Variants in SLC6A9 observed in about 807,000 individuals in gnomAD.
SLC6A9 encodes solute carrier family 6 member 9.
SLC6A9 carries 31 observed loss-of-function variants against 70.9 expected under a neutral mutation model. That is an observed-to-expected ratio of 0.44 (90% CI 0.33 to 0.59). SLC6A9 has a LOEUF of 0.59. Ranked by LOEUF, SLC6A9 falls within the 20% of genes least tolerant of loss-of-function variation. The pLI, the probability that SLC6A9 is intolerant of heterozygous loss-of-function variation, is 0.04. For synonymous variants in SLC6A9, 310 were observed against 341.3 expected (o/e 0.91, Z 1.01); for missense variants, 631 against 845.2 (o/e 0.75, Z 3.14).
intron 1 of SLC6A9, among the ~76,000 whole-genome samples, chr1:44,027,191 G>T (rs2086998058): frequency 6.6e-6 from 1 of 152,082 alleles, no homozygotes; most frequent in African/African-American, 2.4e-5. Flanking sequence ...AGCAGTAGTG[G>T]GTCACAGAGG....
At chr1:44,019,776 A>G (rs2086846284) in intron 2 of SLC6A9, among the ~76,000 whole-genome samples, 1 of 152,256 alleles carries the variant, frequency 6.6e-6, no homozygotes, top group African/African-American at 2.4e-5. Flanking sequence ...ACTTTGCCTA[A>G]TAAGAGTGGG....
At chr1:44,017,805 C>T (rs1250517262) in intron 2 of SLC6A9, among the ~76,000 whole-genome samples, 3 of 152,240 alleles carry the variant, frequency 2.0e-5, no homozygotes, top group Non-Finnish European at 2.9e-5. Context: ...ACAAAGATGG[C>T]ATTAGCCAAG....
Position 44,009,958 on chromosome 1 carries a change from G to T in SLC6A9, c.319+7C>A. ...ATGTGTGAGCGAGTGCCCCGCCCAG[G>T]CCTCACCTTTGAACATGGGGCTGAT... is the stretch of plus-strand genomic sequence containing the variant. On this transcript the variant is annotated splice_region_variant and intron_variant, in intron 4 of 13. Coordinates refer to ENST00000372310, the MANE Select transcript of SLC6A9 (RefSeq NM_001024845.3). The T allele has an allele frequency of 6.2e-7, 1 of 1,613,792 alleles. No individual in the cohort carries two copies. The highest frequency in any genetic ancestry group is 1.1e-5 in the South Asian group (1 of 91,070).
intron 2 of SLC6A9, chr1:44,016,991 C>A: frequency 6.6e-7 from 1 of 1,524,378 alleles, no homozygotes; most frequent in South Asian, 1.3e-5. Context: ...CGCAGCCCAG[C>A]CTCTCAGCCT....
chr1:43,997,247 C>A lies in SLC6A9; in HGVS notation c.*298G>T. ...GGCAGGGTATAAGGGTATCGGAGGC[C>A]ACGTAAAGCCATCCAGGCTGCTGGG... On this transcript the variant is annotated 3_prime_UTR_variant, in exon 14 of 14. Coordinates refer to ENST00000372310, the MANE Select transcript of SLC6A9 (RefSeq NM_001024845.3). This position sits in a 1 kb window ranked among gnomAD's most constrained non-coding sequence, Gnocchi z 4.4. The A allele has an allele frequency of 2.4e-6, 1 of 424,162 alleles. No homozygotes were observed. Among genetic ancestry groups the A allele is most frequent in the Non-Finnish European group, 4.3e-6 (1 of 234,560 alleles). The allele number at this position is 424,162 out of a possible 1,614,324, so 26.3% of individuals were successfully genotyped here.
intron 2 of SLC6A9, chr1:44,014,816 T>C (rs1010991690): frequency 1.3e-5 from 2 of 152,064 alleles, no homozygotes; most frequent in Admixed American, 6.6e-5. Flanking sequence ...GCAAGCCACT[T>C]CCACTCTTGG....
chr1:44,007,939 G>A (rs1432853390), intron 5 of SLC6A9, among the ~76,000 whole-genome samples: 1 of 146,348 alleles, frequency 6.8e-6, no homozygotes, highest in Non-Finnish European at 1.5e-5. Context: ...CGCCCAGGCT[G>A]AAGTGCAGTG....
In SLC6A9 at chr1:44,001,558, G is replaced by A; in HGVS notation, c.1032C>T (p.Ile344=). Residue 344 remains isoleucine (I), a synonymous_variant, in exon 9 of 14, where the codon ATC becomes ATT. Transcript: ENST00000372310. ...CCAGGTGATTGGCCATGAAGCCGAGGATGGAGAAGATGACGAAGCCAGCAT... is the reference window on the plus strand; with the variant it reads ...CCAGGTGATTGGCCATGAAGCCGAGAATGGAGAAGATGACGAAGCCAGCAT... ...SVYAGFVIFS[I]LGFMANHLGV... is the part of the protein sequence containing the mutation. 2.5e-6 allele frequency: 4 copies of A among 1,614,268 alleles called. No homozygotes were observed. Among genetic ancestry groups the A allele is most frequent in the Non-Finnish European group, 3.4e-6 (4 of 1,180,042 alleles).
intron 5 of SLC6A9, among the ~76,000 whole-genome samples, chr1:44,006,086 C>G (rs1250089133): frequency 6.6e-6 from 1 of 152,204 alleles, no homozygotes; most frequent in Non-Finnish European, 1.5e-5. Context: ...TGGGGTTGCA[C>G]AAGGCTTTGT....
chr1:44,011,594 T>C (rs1424869440), intron 2 of SLC6A9: 4 of 1,612,836 alleles, frequency 2.5e-6, no homozygotes, highest in African/African-American at 1.3e-5. Context: ...GGGCCATGAG[T>C]TGGGGAAGGA....
chr1:44,028,861 C>T (rs762074116), intron 1 of SLC6A9, among the ~76,000 whole-genome samples: 2 of 151,882 alleles, frequency 1.3e-5, no homozygotes, highest in Admixed American at 6.6e-5. Context: ...TGAAGGGGCT[C>T]AGGTTAGGAA....
intron 1 of SLC6A9, among the ~76,000 whole-genome samples, chr1:44,025,646 A>G (rs886256329): frequency 6.6e-6 from 1 of 151,994 alleles, no homozygotes; most frequent in Non-Finnish European, 1.5e-5. Context: ...CTAAAATTAC[A>G]AAAATTAGCT....
intron 2 of SLC6A9, chr1:44,011,772 C>G: frequency 6.3e-7 from 1 of 1,591,292 alleles, no homozygotes; most frequent in Middle Eastern, 1.7e-4. Context: ...GGGGATTTGC[C>G]CCAGGGAAGA....
chr1:44,017,004 C>T lies in SLC6A9; in HGVS notation c.31-6122G>A, dbSNP rs546238613. On this transcript the variant is annotated intron_variant, in intron 2 of 13. Coordinates refer to ENST00000372310, the MANE Select transcript of SLC6A9 (RefSeq NM_001024845.3). Reference sequence around the variant, plus strand: ...TCCGCAGCCCAGCCTCTCAGCCTGCCTGGCACCAAGGAGGGGGCTCAACTT... The same window carrying T: ...TCCGCAGCCCAGCCTCTCAGCCTGCTTGGCACCAAGGAGGGGGCTCAACTT... 2.1e-5 allele frequency: 33 copies of T among 1,557,460 alleles called. No homozygotes were observed. In the South Asian group the frequency reaches 2.3e-4, roughly 11 times the overall value.
rs2085915586 is a variant in SLC6A9 at position 43,997,613 on chromosome 1, G to A, written c.1834C>T (p.Pro612Ser). 6.2e-7 allele frequency: 1 copy of A among 1,613,900 alleles called. No individual in the cohort carries two copies. Among genetic ancestry groups the A allele is most frequent in the Non-Finnish European group, 8.5e-7 (1 of 1,180,018 alleles). Reference sequence around the variant, plus strand: ...ACAATGGGGATCTGCGCCTTGTCCGGGTGCAGTGGCTGGACCTCGAAGCCG... The same window carrying A: ...ACAATGGGGATCTGCGCCTTGTCCGAGTGCAGTGGCTGGACCTCGAAGCCG... ...EDGFEVQPLH[P>S]DKAQIPIVGS... The change falls in exon 14 of 14, where the codon CCG becomes TCG. Residue 612 changes from proline (P) to serine (S), a missense_variant. Physicochemically the swap from Pro to Ser is moderately conservative, Grantham distance 74. Transcript: ENST00000372310. This position sits in a 1 kb window ranked among gnomAD's most constrained non-coding sequence, Gnocchi z 4.4.
chr1:44,010,683 C>A, intron 3 of SLC6A9, 43 bp downstream of exon 3: 2 of 1,597,882 alleles, frequency 1.3e-6, no homozygotes, highest in South Asian at 1.1e-5. Context: ...GGTGGGTGGG[C>A]TCTACCCAAG....
At chr1:44,010,466 G>GGGGGGC (rs2086516408) in intron 3 of SLC6A9, 1 of 236,248 alleles carries the variant, frequency 4.2e-6, no homozygotes, top group East Asian at 8.6e-5. Flanking sequence ...CGGGGGGGGG[G>GGGGGGC]GGGGGTTAGG....
chr1:44,002,658 GGGCTCCAT>G lies in SLC6A9; in HGVS notation c.724-20_724-13del. On this transcript the variant is annotated splice_polypyrimidine_tract_variant and intron_variant, in intron 6 of 13. Coordinates refer to ENST00000372310, the MANE Select transcript of SLC6A9 (RefSeq NM_001024845.3). This position sits in a 1 kb window ranked among gnomAD's most constrained non-coding sequence, Gnocchi z 5.5. ...GTGAAGTACACCACCTGGCACAAGA[GGGCTCCAT>G]GGACTCTTCTGGGCTCTCCCCTCCC... The G allele has an allele frequency of 1.2e-6, 2 of 1,614,048 alleles. No homozygotes were observed. The highest frequency in any genetic ancestry group is 1.7e-6 in the Non-Finnish European group (2 of 1,179,962).
At chr1:44,028,949 C>A (rs191925540) in intron 1 of SLC6A9, among the ~76,000 whole-genome samples, 1 of 152,200 alleles carries the variant, frequency 6.6e-6, no homozygotes, top group East Asian at 1.9e-4. Flanking sequence ...GGTGATGAAT[C>A]GGACTGGGTA....
Sources: gnomAD v4.1 joint callset for allele counts (sites outside exome capture counted in the v4.1 genomes callset) on GRCh38, gnomAD v4.1.1 for gene constraint, Gnocchi (gnomAD v3.1) non-coding constraint, MANE v1.5 for transcripts, NCBI Gene and HGNC (gene_info 2026-07-23, HGNC 2026-07-21) for gene names.